Variants in WNT10A observed in about 807,000 individuals in gnomAD.
WNT10A encodes the protein Wnt family member 10A.
Under a neutral mutation model 36.1 loss-of-function variants are expected in WNT10A, and 37 were observed. That is an observed-to-expected ratio of 1.02 (90% CI 0.79 to 1.35). WNT10A has a LOEUF of 1.35. Ranked by LOEUF, WNT10A falls within the 40% of genes most tolerant of loss-of-function variation. The probability of loss-of-function intolerance (pLI) is 0.00; values close to 1 mark genes in which losing one functional copy is unlikely to be tolerated. For synonymous variants in WNT10A, 255 were observed against 254.1 expected, an observed-to-expected ratio of 1.00 and a Z score of -0.03; for missense variants, 613 against 601.4, an observed-to-expected ratio of 1.02 and a Z score of -0.20.
chr2:218,881,989 TGAG>T (rs1218414564), intron 1 of WNT10A, among the ~76,000 whole-genome samples, 169 bp from the exon 2 acceptor site: 1 of 152,108 alleles, frequency 6.6e-6, no homozygotes, highest in African/African-American at 2.4e-5. Context: ...AGGATGATTG[TGAG>T]GAGGTCAAGG....
intron 3 of WNT10A, 83 bp downstream of exon 3, chr2:218,890,446 C>T: frequency 6.3e-7 from 1 of 1,577,836 alleles, no homozygotes. Flanking sequence ...CTTCTGAGGA[C>T]CACGTTGCTC....
intron 1 of WNT10A, among the ~76,000 whole-genome samples, chr2:218,881,707 T>TG (rs1944518865): frequency 1.3e-5 from 2 of 152,190 alleles, no homozygotes; most frequent in Non-Finnish European, 2.9e-5. Flanking sequence ...TCTTTGTGTG[T>TG]GTGTCTGTAA....
intron 1 of WNT10A, among the ~76,000 whole-genome samples, chr2:218,881,734 G>T (rs141385662): frequency 6.6e-6 from 1 of 152,304 alleles, no homozygotes; most frequent in East Asian, 1.9e-4. Context: ...CTGATGAAGT[G>T]TGCATGTGCG....
rs887243112 is a variant in WNT10A, at chr2:218,893,923, T to A, written c.*652T>A. On this transcript the variant is annotated 3_prime_UTR_variant, in exon 4 of 4. Transcript: ENST00000258411. This position sits in a 1 kb window ranked among gnomAD's most constrained non-coding sequence, Gnocchi z 6.3. ...GGCATGGGCAATAAACAAGTAAATA[T>A]ACAAACAAGGTCATTTCAGACAATG... The A allele has an allele frequency of 1.3e-5, 2 of 152,134 alleles. No homozygotes were observed. Among genetic ancestry groups the A allele is most frequent in the African/African-American group, 4.8e-5 (2 of 41,374 alleles). The allele number at this position is 152,134 out of a possible 1,614,324, so 9.4% of individuals were successfully genotyped here.
rs757501987 is a variant in WNT10A, at chr2:218,890,179, G to C, written c.572G>C (p.Gly191Ala). ...CAGCGTGGTAAGGGCCTGAGCCATG[G>C]GGTCCCGGAACACCCAGCCCTGCCC... ...ALQRGKGLSH[G>A]VPEHPALPTA... The change falls in exon 3 of 4, where the codon GGG becomes GCG. Residue 191 changes from glycine (G) to alanine (A), a missense_variant. By Grantham distance (60) the Gly-to-Ala change is moderately conservative. Transcript: ENST00000258411. The C allele has an allele frequency of 1.9e-5, 30 of 1,614,104 alleles. No individual in the cohort carries two copies. Among genetic ancestry groups the C allele is most frequent in the Non-Finnish European group, 2.4e-5 (28 of 1,180,006 alleles).
chr2:218,889,632 T>C (rs749552949), intron 2 of WNT10A, among the ~76,000 whole-genome samples: 9 of 152,230 alleles, frequency 5.9e-5, no homozygotes, highest in Non-Finnish European at 1.3e-4. Context: ...TGAGAGGTAA[T>C]AGATTAAGTC....
Position 218,882,302 on chromosome 2 carries a change from C to G in WNT10A, c.255C>G (p.Ala85=). 6.2e-7 allele frequency: 1 copy of G among 1,614,198 alleles called. No individual in the cohort carries two copies. Among genetic ancestry groups the G allele is most frequent in the Non-Finnish European group, 8.5e-7 (1 of 1,180,038 alleles). ...CVRHPDVAAS[A]IQGIQIAIHE... The stretch of plus-strand genomic sequence containing the variant: ...GTCACCCTGATGTGGCTGCCTCAGC[C>G]ATACAGGGCATCCAGATCGCCATCC... Residue 85 remains alanine (A), a synonymous_variant, in exon 2 of 4, where the codon GCC becomes GCG. Transcript: ENST00000258411.
At chr2:218,874,245 ACAGT>A in the WNT10A span, 1 of 182,776 alleles carries the variant, frequency 5.5e-6, no homozygotes, top group East Asian at 1.4e-4. Flanking sequence ...GGCTGGACCC[ACAGT>A]TTTGGGGGAG....
rs377416834 is a variant in WNT10A at position 218,890,271 on chromosome 2, G to T, written c.664G>T (p.Glu222Ter). Reference sequence around the variant, plus strand: ...CTGCAGCCCCGACATGGGCTTCGGGGAGCGCTTTTCTAAGGACTTTCTGGA... The same window carrying T: ...CTGCAGCCCCGACATGGGCTTCGGGTAGCGCTTTTCTAAGGACTTTCTGGA... Reference protein sequence around the residue: ...GGCSPDMGFGERFSKDFLDSR... With the variant: ...GGCSPDMGFG The change falls in exon 3 of 4, where the codon GAG becomes TAG. Residue 222 changes from glutamate to a stop codon, truncating the protein, a stop_gained. Transcript: ENST00000258411. LOFTEE classifies it high-confidence loss of function. 14 of 1,611,420 alleles carry T rather than the reference G, an allele frequency of 8.7e-6. No homozygotes were observed. The highest frequency in any genetic ancestry group is 1.1e-5 in the Non-Finnish European group (13 of 1,179,970).
intron 1 of WNT10A, 139 bp downstream of exon 1, chr2:218,881,247 A>G: frequency 7.8e-7 from 1 of 1,283,060 alleles, no homozygotes; most frequent in South Asian, 1.3e-5. Flanking sequence ...GCCCAACCAA[A>G]GGCAGTGAGC....
At chr2:218,883,888 C>G (rs1044024847) in intron 2 of WNT10A, 1 of 152,172 alleles carries the variant, frequency 6.6e-6, no homozygotes, top group South Asian at 2.1e-4. Flanking sequence ...CATTCATGCC[C>G]CGGCTGGGCC....
intron 3 of WNT10A, among the ~76,000 whole-genome samples, chr2:218,890,592 A>G (rs1441036296): frequency 4.6e-5 from 7 of 152,192 alleles, no homozygotes; most frequent in African/African-American, 1.7e-4. Flanking sequence ...GCCCTGGATC[A>G]GCATACCACC....
the WNT10A span, among the ~76,000 whole-genome samples, chr2:218,875,781 C>T: frequency 1.3e-5 from 2 of 152,278 alleles, no homozygotes; most frequent in African/African-American, 4.8e-5. Flanking sequence ...CATAATTTGT[C>T]AAACATATGT....
chr2:218,888,871 C>T (rs1292883061), intron 2 of WNT10A, among the ~76,000 whole-genome samples: 2 of 152,154 alleles, frequency 1.3e-5, no homozygotes, highest in East Asian at 3.8e-4. Context: ...ACAATTTATT[C>T]TCTTTTTTTC....
At chr2:218,885,885 C>T (rs1212054920) in intron 2 of WNT10A, among the ~76,000 whole-genome samples, 4 of 152,350 alleles carry the variant, frequency 2.6e-5, no homozygotes, top group Admixed American at 2.6e-4. Context: ...ACATACTAAG[C>T]ACCTGCTGTG....
At chr2:218,878,608 T>C (rs1944474061), upstream of WNT10A, among the ~76,000 whole-genome samples, 1 of 151,962 alleles carries the variant, frequency 6.6e-6, no homozygotes, top group East Asian at 1.9e-4. This position sits in a 1 kb window ranked among gnomAD's most constrained non-coding sequence, Gnocchi z 4.1. Context: ...CCCAGGCCTT[T>C]CCCTGGAAAG....
chr2:218,881,484 G>A (rs75010616), intron 1 of WNT10A, among the ~76,000 whole-genome samples: 4 of 152,258 alleles, frequency 2.6e-5, no homozygotes, highest in Admixed American at 2.0e-4. Context: ...GCAGGGGTTG[G>A]GAGGCTGGAA....
chr2:218,893,885 C>T lies in WNT10A; in HGVS notation c.*614C>T, dbSNP rs1052656499. ...CACTTGTCCTCTTGGAGGTTACATT[C>T]TTGCTGGGGGGAGGCATGGGCAATA... On this transcript the variant is annotated 3_prime_UTR_variant, in exon 4 of 4. Coordinates refer to ENST00000258411, the MANE Select transcript of WNT10A (RefSeq NM_025216.3). The surrounding 1 kb of genome is among the most constrained non-coding windows in gnomAD (Gnocchi z 6.3). The T allele has an allele frequency of 6.6e-6, 1 of 152,282 alleles. No individual in the cohort carries two copies. The highest frequency in any genetic ancestry group is 2.4e-5 in the African/African-American group (1 of 41,418). The allele number at this position is 152,282 out of a possible 1,614,324, so 9.4% of individuals were successfully genotyped here.
chr2:218,881,495 G>A (rs1326325985), intron 1 of WNT10A, among the ~76,000 whole-genome samples: 2 of 152,126 alleles, frequency 1.3e-5, no homozygotes, highest in East Asian at 1.9e-4. Flanking sequence ...GAGGCTGGAA[G>A]GGGGTAGCCC....
Sources: allele counts gnomAD v4.1 joint callset (sites outside exome capture counted in the v4.1 genomes callset), GRCh38; gene constraint gnomAD v4.1.1; non-coding constraint Gnocchi (gnomAD v3.1); transcripts MANE v1.5; gene names NCBI Gene and HGNC (gene_info 2026-07-23, HGNC 2026-07-21).